Variants in RPAP2 observed in about 807,000 individuals in gnomAD.
RPAP2 encodes the protein RNA polymerase II associated protein 2.
A neutral mutation model predicts 73.1 loss-of-function variants in RPAP2; 52 were observed. That is an observed-to-expected ratio of 0.71 (90% CI 0.57 to 0.90). The LOEUF is 0.90. Ranked by LOEUF, RPAP2 falls within the 40% of genes least tolerant of loss-of-function variation. RPAP2 has a pLI of 0.00. For synonymous variants in RPAP2, 225 were observed against 242.1 expected (o/e 0.93, Z 0.65); for missense variants, 598 against 701.8 (o/e 0.85, Z 1.67).
rs1313425636 is a variant in RPAP2 at position 92,389,441 on chromosome 1, C to A, written c.*2430C>A. The A allele has an allele frequency of 3.9e-5, 6 of 152,180 alleles. No individual in the cohort carries two copies. Among genetic ancestry groups the A allele is most frequent in the African/African-American group, 1.4e-4 (6 of 41,436 alleles). The allele number at this position is 152,180 out of a possible 1,614,324, so 9.4% of individuals were successfully genotyped here. A position where few individuals can be genotyped will look rare whatever the true frequency, so the allele number is the denominator to read the frequency against. On this transcript the variant is annotated 3_prime_UTR_variant, in exon 13 of 13. Transcript: ENST00000610020. ...TAAAACCACAAAGATGGGGAGAAACCAGACCAGAAAGGCTGAAAATTCCAA... is the reference window on the plus strand; with the variant it reads ...TAAAACCACAAAGATGGGGAGAAACAAGACCAGAAAGGCTGAAAATTCCAA...
intron 11 of RPAP2, among the ~76,000 whole-genome samples, chr1:92,361,737 T>C (rs1250749467): frequency 6.6e-6 from 1 of 152,214 alleles, no homozygotes; most frequent in East Asian, 1.9e-4. Context: ...AATGTGAGAT[T>C]ATCTTTTAAT....
At position 92,327,924 on chromosome 1, in the gene RPAP2, G is replaced by A. The variant is rs547803279; in HGVS notation, c.1455+3549G>A. 5.3e-5 allele frequency among the ~76,000 whole-genome samples: 8 copies of A among 152,146 alleles called. No individual in the cohort carries two copies. The South Asian group carries it at 6.2e-4, about 12-fold the overall frequency. ...TCCTTCATTTATGAACCTTAGTTTC[G>A]CTGGATACAAAATTCTTGGCTGACA... On this transcript the variant is annotated intron_variant, in intron 8 of 12. Coordinates refer to ENST00000610020, the MANE Select transcript of RPAP2 (RefSeq NM_024813.3).
rs529849414 is a variant in RPAP2 at position 92,315,126 on chromosome 1, T to C, written c.489-5473T>C. On this transcript the variant is annotated intron_variant, in intron 6 of 12. Coordinates refer to ENST00000610020, the MANE Select transcript of RPAP2 (RefSeq NM_024813.3). ...GTTGCAGTCTCAAAAAAAAAAAAAA[T>C]TTAAAGGAAAAGCAGTATTCAATGT... 1.1e-3 allele frequency among the ~76,000 whole-genome samples: 165 copies of C among 151,332 alleles called. 1 individual carries two copies. The highest frequency in any genetic ancestry group is 3.4e-3 in the South Asian group (16 of 4,776).
chr1:92,346,722 A>C (rs1653923877), intron 11 of RPAP2, among the ~76,000 whole-genome samples: 1 of 152,334 alleles, frequency 6.6e-6, no homozygotes, highest in Admixed American at 6.5e-5. Context: ...AAGCATATAT[A>C]AAACATTTAG....
chr1:92,350,087 C>T (rs1654122005), intron 11 of RPAP2, among the ~76,000 whole-genome samples: 1 of 152,136 alleles, frequency 6.6e-6, no homozygotes, highest in African/African-American at 2.4e-5. Flanking sequence ...TGACCCATTC[C>T]CACTTCATTT....
chr1:92,379,109 G>A (rs867914993), intron 11 of RPAP2, among the ~76,000 whole-genome samples: 10 of 152,132 alleles, frequency 6.6e-5, no homozygotes, highest in African/African-American at 1.9e-4. Context: ...TCTACTTTCC[G>A]TATAGGATGG....
chr1:92,358,141 G>A (rs34090353), intron 11 of RPAP2, among the ~76,000 whole-genome samples: 4 of 151,954 alleles, frequency 2.6e-5, no homozygotes, highest in East Asian at 1.9e-4. Context: ...TCCACCTTGC[G>A]TCAGCCCTTC....
At chr1:92,305,203 C>T (rs568173125) in intron 5 of RPAP2, among the ~76,000 whole-genome samples, 5 of 151,822 alleles carry the variant, frequency 3.3e-5, no homozygotes, top group Admixed American at 2.6e-4. Context: ...GAGGCCGAGG[C>T]GGGCAGATCA....
intron 11 of RPAP2, among the ~76,000 whole-genome samples, chr1:92,346,489 T>TA (rs1240737876): frequency 6.6e-6 from 1 of 152,156 alleles, no homozygotes; most frequent in Non-Finnish European, 1.5e-5. Flanking sequence ...AAGAGACAAA[T>TA]ATCCTCATGT....
intron 10 of RPAP2, among the ~76,000 whole-genome samples, chr1:92,340,518 AG>A (rs1250873456): frequency 7.9e-5 from 12 of 152,250 alleles, no homozygotes; most frequent in African/African-American, 2.9e-4. Flanking sequence ...CTTGTAGAAC[AG>A]TGATTCTCAA....
chr1:92,328,422 T>G (rs1209097333), intron 8 of RPAP2, among the ~76,000 whole-genome samples: 2 of 152,236 alleles, frequency 1.3e-5, no homozygotes, highest in Admixed American at 6.5e-5. Context: ...GTTCTTCTAC[T>G]TGCTCAATTT....
intron 11 of RPAP2, among the ~76,000 whole-genome samples, chr1:92,348,768 A>G (rs1438973224): frequency 1.2e-4 from 18 of 152,244 alleles, no homozygotes; most frequent in Admixed American, 1.2e-3. Context: ...TCATCATGTT[A>G]AAACTCCATT....
rs996326261 is a variant in RPAP2, at chr1:92,301,564, A to G, written c.208A>G (p.Ile70Val). 3 of 1,534,996 alleles carry G rather than the reference A, an allele frequency of 2.0e-6. No individual in the cohort carries two copies. The highest frequency in any genetic ancestry group is 2.8e-5 in the African/African-American group (2 of 71,386). Residue 70 changes from isoleucine to valine, a missense_variant, in exon 3 of 13, where the codon ATT becomes GTT. Physicochemically the swap from Ile to Val is conservative, Grantham distance 29. Transcript: ENST00000610020. ...TGTTGAACAGCTTTTAGAGGAGAAT[A>G]TTACAGAAGAGTTCCTAATGGAGTG... ...HIVEQLLEENITEEFLMECGR... is the reference protein window; with the variant it reads ...HIVEQLLEENVTEEFLMECGR...
intron 11 of RPAP2, among the ~76,000 whole-genome samples, chr1:92,379,770 A>C (rs1213941381): frequency 6.7e-6 from 1 of 149,946 alleles, no homozygotes; most frequent in Non-Finnish European, 1.5e-5. Flanking sequence ...CCCCATCTCT[A>C]CTAAAAATAC....
In RPAP2 at chr1:92,398,553, A is replaced by C. The variant is rs1182804364; in HGVS notation, c.*11542A>C. The C allele has an allele frequency of 6.6e-6, 1 of 152,216 alleles. No individual in the cohort carries two copies. Among genetic ancestry groups the C allele is most frequent in the African/African-American group, 2.4e-5 (1 of 41,440 alleles). The allele number at this position is 152,216 out of a possible 1,614,324, so 9.4% of individuals were successfully genotyped here. ...TCACATTATAAGCCCTTCGTAGAAA[A>C]AGAAAAGTAAGCATTTCTAGAAGCA... On this transcript the variant is annotated 3_prime_UTR_variant, in exon 13 of 13. Coordinates refer to ENST00000610020, the MANE Select transcript of RPAP2 (RefSeq NM_024813.3).
At chr1:92,354,057 C>T (rs572682962) in intron 11 of RPAP2, among the ~76,000 whole-genome samples, 1 of 152,202 alleles carries the variant, frequency 6.6e-6, no homozygotes, top group South Asian at 2.1e-4. Context: ...GATGTGCACT[C>T]CAACTTCACT....
chr1:92,361,366 T>G (rs1205143626), intron 11 of RPAP2, among the ~76,000 whole-genome samples: 2 of 152,166 alleles, frequency 1.3e-5, no homozygotes, highest in African/African-American at 4.8e-5. Context: ...CTCTAGCACT[T>G]AGTAAGCATT....
At chr1:92,363,262 G>A (rs760052222) in intron 11 of RPAP2, among the ~76,000 whole-genome samples, 1 of 152,034 alleles carries the variant, frequency 6.6e-6, no homozygotes, top group South Asian at 2.1e-4. Flanking sequence ...TTAAGCATAC[G>A]GTATGGAGAA....
chr1:92,306,909 G>T (rs1286661051), intron 5 of RPAP2, among the ~76,000 whole-genome samples: 1 of 152,144 alleles, frequency 6.6e-6, no homozygotes, highest in Non-Finnish European at 1.5e-5. Context: ...TTTTTTAATA[G>T]GGATATGTAC....
Sources: allele counts gnomAD v4.1 joint callset (sites outside exome capture counted in the v4.1 genomes callset), GRCh38; gene constraint gnomAD v4.1.1; transcripts MANE v1.5; gene names NCBI Gene and HGNC (gene_info 2026-07-23, HGNC 2026-07-21).